TRIM46: variants seen among roughly 807,000 people sequenced by gnomAD.
TRIM46 encodes the protein tripartite motif containing 46, also known as tripartite motif-containing protein 46.
A neutral mutation model predicts 69.7 loss-of-function variants in TRIM46; 17 were observed. The ratio of observed to expected loss-of-function variants is 0.24; its 90% confidence interval spans 0.17 to 0.37. TRIM46 has a LOEUF of 0.37. TRIM46 is among the 10% of genes least tolerant of loss of function. The pLI, the probability that TRIM46 is intolerant of heterozygous loss-of-function variation, is 1.00. For missense variants in TRIM46, 675 were observed against 1,025.1 expected (o/e 0.66, Z 4.66); for synonymous variants, 391 against 429.0 (o/e 0.91, Z 1.09).
At chr1:155,180,266 A>G (rs950251844) in intron 8 of TRIM46, among the ~76,000 whole-genome samples, 4 of 152,194 alleles carry the variant, frequency 2.6e-5, no homozygotes, top group African/African-American at 9.7e-5. Context: ...CAGGAGTTCA[A>G]GACCAACCTG....
intron 6 of TRIM46, 32 bp downstream of exon 6, chr1:155,178,287 G>T: frequency 6.4e-7 from 1 of 1,572,006 alleles, no homozygotes; most frequent in Non-Finnish European, 8.6e-7. Flanking sequence ...TAGGGGGGCA[G>T]GGACATCATG....
At chr1:155,174,101 GGT>G in intron 1 of TRIM46, 72 bp downstream of exon 1, 1 of 1,488,218 alleles carries the variant, frequency 6.7e-7, no homozygotes, top group Non-Finnish European at 9.2e-7. Context: ...ACCTGGAACA[GGT>G]GGGGATCCAG....
intron 1 of TRIM46, chr1:155,174,839 T>C: frequency 7.0e-7 from 1 of 1,420,554 alleles, no homozygotes; most frequent in Non-Finnish European, 9.1e-7. Context: ...AATGGGTTGG[T>C]AAGACCGATG....
intron 1 of TRIM46, chr1:155,174,496 C>T: frequency 1.4e-6 from 2 of 1,426,946 alleles, no homozygotes; most frequent in Non-Finnish European, 9.2e-7. Context: ...TCCGAGCCTG[C>T]GGTTGTCATG....
At position 155,177,293 on chromosome 1, in the gene TRIM46, G is replaced by A. The variant is rs1665736598; in HGVS notation, c.909+3G>A. The A allele has an allele frequency of 6.2e-7, 1 of 1,613,884 alleles. No homozygotes were observed. The highest frequency in any genetic ancestry group is 1.7e-5 in the Admixed American group (1 of 60,032). On this transcript the variant is annotated splice_donor_region_variant and intron_variant, in intron 5 of 9. Transcript: ENST00000334634. ...AGGAGGCCGTGAGGCACACCGAGGT[G>A]AGGGAGGGCACAGAGGTAGGCCCTG...
rs1289338563 is a variant in TRIM46 at position 155,181,793 on chromosome 1, C to A, written c.1589-59C>A. 3.9e-6 allele frequency: 6 copies of A among 1,554,060 alleles called. No individual in the cohort carries two copies. The East Asian group carries it at 9.0e-5, about 23-fold the overall frequency. ...CCCTGTTCTGCAGTCTCACAGCCCC[C>A]AGTGCCAGTGTTTGTCCCTGAAGTT... On this transcript the variant is annotated intron_variant, in intron 8 of 9. Coordinates refer to ENST00000334634, the MANE Select transcript of TRIM46 (RefSeq NM_025058.5). The surrounding 1 kb of genome is among the most constrained non-coding windows in gnomAD (Gnocchi z 4.3).
intron 3 of TRIM46, among the ~76,000 whole-genome samples, chr1:155,176,642 A>G (rs1665675849): frequency 6.6e-6 from 1 of 152,244 alleles, no homozygotes; most frequent in Non-Finnish European, 1.5e-5. Flanking sequence ...AAGGTTAATT[A>G]TTAACTACCA....
intron 7 of TRIM46, 126 bp downstream of exon 7, chr1:155,178,739 T>TGGGCCCCCCCCC: frequency 8.9e-6 from 12 of 1,348,462 alleles, no homozygotes; most frequent in African/African-American, 1.5e-5. Context: ...CAGCCATTCC[T>TGGGCCCCCCCCC]CCCACCCAGC....
rs1665989782 is a variant in TRIM46 at position 155,179,720 on chromosome 1, T to C, written c.1374T>C (p.Pro458=). The C allele has an allele frequency of 1.2e-6, 2 of 1,613,442 alleles. No individual in the cohort carries two copies. The highest frequency in any genetic ancestry group is 1.7e-6 in the Non-Finnish European group (2 of 1,180,022). The change falls in exon 8 of 10, where the codon CCT becomes CCC. Residue 458 remains proline (P), a synonymous_variant. Coordinates refer to ENST00000334634, the MANE Select transcript of TRIM46 (RefSeq NM_025058.5). ...LCWRLPPHSP[P]AWHYTVEFRR... ...GGCGGCTGCCCCCCCATTCACCACC[T>C]GCCTGGCACTATACCGTTGAGTTCC...
rs1398175368 is a variant in TRIM46, at chr1:155,178,094, C to A, written c.1002C>A (p.Ala334=). 6.2e-7 allele frequency: 1 copy of A among 1,614,138 alleles called. No homozygotes were observed. Among genetic ancestry groups the A allele is most frequent in the South Asian group, 1.1e-5 (1 of 91,076 alleles). The change falls in exon 6 of 10, where the codon GCC becomes GCA. Residue 334 remains alanine, a synonymous_variant. Transcript: ENST00000334634. ...AGAAGCGGGCATCACTGCTTCAGGC[C>A]ATTGAAGAATGCCAGCAGGAGCGGC... is the stretch of plus-strand genomic sequence containing the variant. ...LEEKRASLLQ[A]IEECQQERLA...
intron 1 of TRIM46, chr1:155,174,866 G>C: frequency 3.5e-6 from 5 of 1,415,700 alleles, no homozygotes; most frequent in Non-Finnish European, 4.6e-6. Context: ...TGAAGGATGG[G>C]GAATGGAGGC....
chr1:155,176,271 G>A lies in TRIM46; in HGVS notation c.669+40G>A, dbSNP rs1371949190. On this transcript the variant is annotated intron_variant, in intron 3 of 9. Transcript: ENST00000334634. ...CCAAGGCCTGGGGAGGGAGGGACAT[G>A]CTGCTGCAGGTGGGTGGGGGTGCCT... 5 of 1,544,844 alleles carry A rather than the reference G, an allele frequency of 3.2e-6. No homozygotes were observed. In the South Asian group the frequency reaches 5.9e-5, roughly 18 times the overall value.
At chr1:155,178,738 C>CG in intron 7 of TRIM46, 125 bp downstream of exon 7, 7 of 1,388,774 alleles carry the variant, frequency 5.0e-6, no homozygotes, top group African/African-American at 1.4e-5. Context: ...CCAGCCATTC[C>CG]TCCCACCCAG....
In TRIM46 at chr1:155,175,511, G is replaced by C; in HGVS notation, c.189G>C (p.Gln63His). Residue 63 changes from glutamine to histidine, a missense_variant, in exon 2 of 10, where the codon CAG becomes CAC. Gln to His is a conservative substitution (Grantham distance 24). Transcript: ENST00000334634. The surrounding 1 kb of genome is among the most constrained non-coding windows in gnomAD (Gnocchi z 4.2). ...CQACAREVLG[Q>H]QGYIGHGGDP... Reference sequence around the variant, plus strand: ...CCTGTGCCCGAGAGGTCTTGGGCCAGCAGGGCTACATAGGACATGGTGGGG... The same window carrying C: ...CCTGTGCCCGAGAGGTCTTGGGCCACCAGGGCTACATAGGACATGGTGGGG... The C allele has an allele frequency of 1.9e-6, 3 of 1,614,104 alleles. No individual in the cohort carries two copies. The highest frequency in any genetic ancestry group is 1.7e-6 in the Non-Finnish European group (2 of 1,179,986).
Position 155,176,956 on chromosome 1 carries a change from G to A in TRIM46, c.694G>A (p.Glu232Lys). The A allele has an allele frequency of 6.2e-7, 1 of 1,614,186 alleles. No individual in the cohort carries two copies. The highest frequency in any genetic ancestry group is 8.5e-7 in the Non-Finnish European group (1 of 1,180,010). Residue 232 changes from glutamate (E) to lysine (K), a missense_variant, in exon 4 of 10, where the codon GAA (glutamate) becomes AAA (lysine). Glu to Lys is a moderately conservative substitution (Grantham distance 56). Coordinates refer to ENST00000334634, the MANE Select transcript of TRIM46 (RefSeq NM_025058.5). ...PKGLMCPDHKEEVTHYCKTCQ... is the reference protein window; with the variant it reads ...PKGLMCPDHKKEVTHYCKTCQ... Reference sequence around the variant, plus strand: ...GGGCCTTATGTGCCCAGACCACAAGGAAGAGGTGACCCACTACTGCAAGAC... The same window carrying A: ...GGGCCTTATGTGCCCAGACCACAAGAAAGAGGTGACCCACTACTGCAAGAC...
chr1:155,182,241 G>T, intron 9 of TRIM46, 92 bp downstream of exon 9: 2 of 1,285,308 alleles, frequency 1.6e-6, no homozygotes, highest in Non-Finnish European at 2.2e-6. Flanking sequence ...ACTTGCTAGG[G>T]TGGGGCTGGG....
chr1:155,178,465 C>T (rs1665865449), intron 6 of TRIM46, 27 bp from the exon 7 acceptor site: 2 of 1,612,912 alleles, frequency 1.2e-6, no homozygotes, highest in African/African-American at 1.3e-5. Context: ...CATGGCAGTG[C>T]CTGACCCTTT....
In TRIM46 at chr1:155,184,300, A is replaced by C; in HGVS notation, c.*110A>C. On this transcript the variant is annotated 3_prime_UTR_variant, in exon 10 of 10. Transcript: ENST00000334634. This position sits in a 1 kb window ranked among gnomAD's most constrained non-coding sequence, Gnocchi z 5.6. The stretch of plus-strand genomic sequence containing the variant: ...AGCTTCTCCCCCAAACTCTCCTACC[A>C]TGTGGCCCTGCTCCTTCTCCCGTGT... The C allele has an allele frequency of 1.3e-5, 15 of 1,176,022 alleles. No individual in the cohort carries two copies. Among genetic ancestry groups the C allele is most frequent in the Non-Finnish European group, 1.7e-5 (15 of 861,894 alleles). The allele number at this position is 1,176,022 out of a possible 1,614,324, so 72.8% of individuals were successfully genotyped here. A position where few individuals can be genotyped will look rare whatever the true frequency, so the allele number is the denominator to read the frequency against.
intron 8 of TRIM46, among the ~76,000 whole-genome samples, chr1:155,180,865 G>A (rs192399712): frequency 2.1e-3 from 325 of 152,200 alleles, no homozygotes; most frequent in African/African-American, 7.5e-3. Flanking sequence ...AGCCGAGATC[G>A]CGCCATTGCA....
Sources: allele counts gnomAD v4.1 joint callset (sites outside exome capture counted in the v4.1 genomes callset), GRCh38; gene constraint gnomAD v4.1.1; non-coding constraint Gnocchi (gnomAD v3.1); transcripts MANE v1.5; gene names NCBI Gene and HGNC (gene_info 2026-07-23, HGNC 2026-07-21).